Variants in KCNK13 observed in about 807,000 individuals in gnomAD.
KCNK13 encodes potassium two pore domain channel subfamily K member 13.
KCNK13 carries 12 observed loss-of-function variants against 23.4 expected under a neutral mutation model. The observed-to-expected ratio is 0.51, with a 90% CI of 0.33 to 0.83. The LOEUF (loss-of-function observed/expected upper bound fraction) is 0.83, where lower values mean the gene tolerates loss of function less well. KCNK13 is among the 40% of genes least tolerant of loss of function. The pLI is 0.02. For synonymous variants in KCNK13, 231 were observed against 229.5 expected (o/e 1.01, Z -0.06); for missense variants, 463 against 556.3 (o/e 0.83, Z 1.69).
At chr14:90,102,085 G>A (rs1889488596) in intron 1 of KCNK13, among the ~76,000 whole-genome samples, 1 of 152,034 alleles carries the variant, frequency 6.6e-6, no homozygotes, top group South Asian at 2.1e-4. Flanking sequence ...ATTTCTCCAT[G>A]TTGGCCAGGC....
At chr14:90,134,026 C>A (rs891260157) in intron 1 of KCNK13, among the ~76,000 whole-genome samples, 1 of 152,152 alleles carries the variant, frequency 6.6e-6, no homozygotes, top group African/African-American at 2.4e-5. Context: ...GTGGCTGAAA[C>A]CCTGGGACAT....
chr14:90,089,624 A>G (rs536875987), intron 1 of KCNK13, among the ~76,000 whole-genome samples: 1 of 152,346 alleles, frequency 6.6e-6, no homozygotes, highest in South Asian at 2.1e-4. Flanking sequence ...GTTAATCCCG[A>G]AGACAATGGG....
chr14:90,064,264 A>C (rs1371857055), intron 1 of KCNK13, among the ~76,000 whole-genome samples: 2 of 152,096 alleles, frequency 1.3e-5, no homozygotes, highest in Non-Finnish European at 2.9e-5. Context: ...TTGAATGGTA[A>C]CTTAGGGTGG....
At chr14:90,170,167 C>G (rs1890348239) in intron 1 of KCNK13, among the ~76,000 whole-genome samples, 1 of 151,896 alleles carries the variant, frequency 6.6e-6, no homozygotes, top group African/African-American at 2.4e-5. Flanking sequence ...GAAGATTTTA[C>G]CCATATGATT....
chr14:90,092,047 G>C (rs919766004), intron 1 of KCNK13, among the ~76,000 whole-genome samples: 13 of 150,184 alleles, frequency 8.7e-5, no homozygotes, highest in African/African-American at 2.9e-4. Context: ...TCAGCCTCCC[G>C]AGTAGCTGGG....
At chr14:90,170,483 G>C (rs1890352640) in intron 1 of KCNK13, among the ~76,000 whole-genome samples, 1 of 152,160 alleles carries the variant, frequency 6.6e-6, no homozygotes, top group African/African-American at 2.4e-5. Flanking sequence ...CGACGTGCTG[G>C]GATTACAGGC....
At chr14:90,135,913 C>T (rs541770767) in intron 1 of KCNK13, among the ~76,000 whole-genome samples, 4 of 151,954 alleles carry the variant, frequency 2.6e-5, no homozygotes, top group African/African-American at 9.7e-5. Flanking sequence ...CAGATGAGAA[C>T]ATGCATTCAG....
intron 1 of KCNK13, among the ~76,000 whole-genome samples, chr14:90,113,248 A>G (rs117576080): frequency 6.6e-6 from 1 of 152,258 alleles, no homozygotes; most frequent in Non-Finnish European, 1.5e-5. Context: ...ATGGAAAAAC[A>G]TGGTACTGGT....
At chr14:90,103,164 T>C (rs1889501822) in intron 1 of KCNK13, among the ~76,000 whole-genome samples, 1 of 152,238 alleles carries the variant, frequency 6.6e-6, no homozygotes, top group Non-Finnish European at 1.5e-5. Flanking sequence ...TAATACCACA[T>C]TGTCTTAATC....
Position 90,085,099 on chromosome 14 carries a change from C to T in KCNK13, c.334+22560C>T, listed in dbSNP as rs139400234. 2.4e-3 allele frequency among the ~76,000 whole-genome samples: 362 copies of T among 151,850 alleles called. 1 individual carries two copies. Among genetic ancestry groups the T allele is most frequent in the African/African-American group, 8.0e-3 (331 of 41,412 alleles). On this transcript the variant is annotated intron_variant, in intron 1 of 1. Transcript: ENST00000282146. Reference sequence around the variant, plus strand: ...CTGAGATTACAGGCGTGTGCCACGACGCCCAGCTAATTTTTTGTATTTTTA... The same window carrying T: ...CTGAGATTACAGGCGTGTGCCACGATGCCCAGCTAATTTTTTGTATTTTTA...
At chr14:90,107,784 C>G in intron 1 of KCNK13, 1 of 843,766 alleles carries the variant, frequency 1.2e-6, no homozygotes, top group Non-Finnish European at 2.1e-6. Context: ...AGTCAACTGC[C>G]CATCAAACAA....
intron 1 of KCNK13, among the ~76,000 whole-genome samples, chr14:90,115,395 G>T (rs1889664629): frequency 6.6e-6 from 1 of 152,172 alleles, no homozygotes; most frequent in Admixed American, 6.5e-5. Flanking sequence ...AGAACCGGGG[G>T]ATCCCCAAGA....
At chr14:90,143,159 C>CTTT (rs1423244516) in intron 1 of KCNK13, among the ~76,000 whole-genome samples, 3 of 7,610 alleles carry the variant, frequency 3.9e-4, no homozygotes, top group Non-Finnish European at 2.4e-3. Flanking sequence ...TTCTTTCTTT[C>CTTT]TTTCTTTCTT....
At chr14:90,159,022 G>C (rs1250377938) in intron 1 of KCNK13, among the ~76,000 whole-genome samples, 1 of 152,224 alleles carries the variant, frequency 6.6e-6, no homozygotes, top group Non-Finnish European at 1.5e-5. Context: ...AGTTTATAAT[G>C]AACAGAAATG....
At chr14:90,172,265 C>T (rs572216659) in intron 1 of KCNK13, among the ~76,000 whole-genome samples, 17 of 148,924 alleles carry the variant, frequency 1.1e-4, no homozygotes, top group Non-Finnish European at 2.1e-4. Context: ...TGCAGTGAGC[C>T]GAGATAGTAC....
chr14:90,128,011 A>G (rs919841978), intron 1 of KCNK13, among the ~76,000 whole-genome samples: 5 of 152,108 alleles, frequency 3.3e-5, no homozygotes, highest in Admixed American at 1.3e-4. Context: ...TGGGAATCCA[A>G]TTCTTGTCCC....
Position 90,184,036 on chromosome 14 carries a change from C to A in KCNK13, c.335-75C>A. The A allele has an allele frequency of 1.5e-6, 2 of 1,324,002 alleles. No homozygotes were observed. The highest frequency in any genetic ancestry group is 1.4e-5 in the South Asian group (1 of 71,592). 82.0% of individuals were successfully genotyped at this position (1,324,002 alleles called of 1,614,324 possible). A position where few individuals can be genotyped will look rare whatever the true frequency, so the allele number is the denominator to read the frequency against. On this transcript the variant is annotated intron_variant, in intron 1 of 1. Transcript: ENST00000282146. The surrounding 1 kb of genome is among the most constrained non-coding windows in gnomAD (Gnocchi z 5.6). The stretch of plus-strand genomic sequence containing the variant: ...AAACTCTCTTTAGGTCCTTTGCCAG[C>A]CATCAAAGCCAAGACCTAGACCCCA...
chr14:90,107,763 A>C (rs1889564055), intron 1 of KCNK13: 3 of 823,448 alleles, frequency 3.6e-6, no homozygotes, highest in Non-Finnish European at 6.5e-6. Context: ...AGGAGGACCC[A>C]AGAGATCCTC....
intron 1 of KCNK13, among the ~76,000 whole-genome samples, chr14:90,083,232 G>A (rs1889234183): frequency 6.6e-6 from 1 of 152,120 alleles, no homozygotes; most frequent in Non-Finnish European, 1.5e-5. Context: ...TCTTCTTGAT[G>A]TTCTTTGAAG....
Sources: gnomAD v4.1 joint callset for allele counts (sites outside exome capture counted in the v4.1 genomes callset) on GRCh38, gnomAD v4.1.1 for gene constraint, Gnocchi (gnomAD v3.1) non-coding constraint, MANE v1.5 for transcripts, NCBI Gene and HGNC (gene_info 2026-07-23, HGNC 2026-07-21) for gene names.